Variants in SETD3 observed in about 807,000 individuals in gnomAD.
SETD3 encodes the protein actin-histidine N-methyltransferase.
SETD3 carries 19 observed loss-of-function variants against 63.0 expected under a neutral mutation model. The observed-to-expected ratio is 0.30, with a 90% CI of 0.21 to 0.44. SETD3 has a LOEUF of 0.44. SETD3 is among the 20% of genes least tolerant of loss of function. The probability of loss-of-function intolerance (pLI) is 1.00; values close to 1 mark genes in which losing one functional copy is unlikely to be tolerated. For synonymous variants in SETD3, 286 were observed against 264.1 expected, an observed-to-expected ratio of 1.08 and a Z score of -0.80; for missense variants, 587 against 728.5, an observed-to-expected ratio of 0.81 and a Z score of 2.24.
chr14:99,420,947 CGGGGGGGGGGGGGGGGGGG>C (rs559807226), intron 6 of SETD3, among the ~76,000 whole-genome samples: 1 of 7,372 alleles, frequency 1.4e-4, no homozygotes, highest in East Asian at 4.1e-3. Flanking sequence ...CAGGCGAGGG[CGGGGGGGGGGGGGGGGGGG>C]GGGGGGGGGG....
chr14:99,445,226 T>C (rs1312704753), intron 6 of SETD3, among the ~76,000 whole-genome samples: 4 of 152,220 alleles, frequency 2.6e-5, no homozygotes, highest in Admixed American at 2.6e-4. Flanking sequence ...TGGTACCTTA[T>C]AAACTAACGG....
At chr14:99,484,307 C>T (rs762084948), upstream of SETD3, among the ~76,000 whole-genome samples, 4 of 152,228 alleles carry the variant, frequency 2.6e-5, no homozygotes, top group Non-Finnish European at 4.4e-5. Flanking sequence ...TGCAGACATG[C>T]TGCAACGCAG....
At chr14:99,457,715 A>G (rs149838826) in intron 6 of SETD3, among the ~76,000 whole-genome samples, 4 of 152,384 alleles carry the variant, frequency 2.6e-5, no homozygotes, top group African/African-American at 9.6e-5. Flanking sequence ...CTGCAAATGA[A>G]AGATAACGGT....
chr14:99,459,841 C>G (rs1894971989), intron 4 of SETD3, among the ~76,000 whole-genome samples: 1 of 152,238 alleles, frequency 6.6e-6, no homozygotes, highest in African/African-American at 2.4e-5. Flanking sequence ...AAGAGGGCAG[C>G]TGTCTGCAAA....
At chr14:99,482,050 T>C (rs1211868566), upstream of SETD3, among the ~76,000 whole-genome samples, 2 of 152,190 alleles carry the variant, frequency 1.3e-5, no homozygotes, top group African/African-American at 2.4e-5. Context: ...TGGTTTGTTA[T>C]GAGAGAAATT....
chr14:99,405,461 T>G, intron 9 of SETD3, 90 bp from the exon 10 acceptor site: 1 of 1,362,362 alleles, frequency 7.3e-7, no homozygotes, highest in Non-Finnish European at 1.0e-6. Context: ...TAGTGCTACT[T>G]TACATTTAGA....
intron 6 of SETD3, among the ~76,000 whole-genome samples, chr14:99,414,414 ATT>A (rs1363740601): frequency 6.6e-6 from 1 of 152,196 alleles, no homozygotes; most frequent in Non-Finnish European, 1.5e-5. Context: ...AAGCTCTTTC[ATT>A]TCTCTCCGAC....
At chr14:99,481,127 A>AC, upstream of SETD3, 1 of 306,512 alleles carries the variant, frequency 3.3e-6, no homozygotes, top group Non-Finnish European at 6.0e-6. Flanking sequence ...ACGAATCTCG[A>AC]CCCGGGCCCC....
intron 6 of SETD3, chr14:99,444,395 G>A (rs1328905312): frequency 2.0e-5 from 3 of 152,202 alleles, no homozygotes; most frequent in African/African-American, 7.2e-5. Flanking sequence ...ACAAACTAGT[G>A]AAGACTTCCA....
intron 1 of SETD3, among the ~76,000 whole-genome samples, chr14:99,469,888 C>A (rs1186654436): frequency 6.6e-6 from 1 of 152,232 alleles, no homozygotes; most frequent in African/African-American, 2.4e-5. Context: ...ACCAGTCCTT[C>A]CCCCAGTAGC....
rs866688998 is a variant in SETD3 at position 99,409,243 on chromosome 14, C to T, written c.850-2653G>A. Among the ~76,000 whole-genome samples, 6 of 152,248 alleles carry T rather than the reference C, an allele frequency of 3.9e-5. No homozygotes were observed. The South Asian group carries it at 1.0e-3, about 26-fold the overall frequency. On this transcript the variant is annotated intron_variant, in intron 8 of 12. Coordinates refer to ENST00000331768, the MANE Select transcript of SETD3 (RefSeq NM_032233.3). The stretch of plus-strand genomic sequence containing the variant: ...CCTAAGCGAGGCACTTGGAAAATGG[C>T]ATGAAAAGTCTCAGTCCCTACCCAT...
At chr14:99,449,934 A>G (rs1264690242) in intron 6 of SETD3, among the ~76,000 whole-genome samples, 2 of 152,248 alleles carry the variant, frequency 1.3e-5, no homozygotes, top group Admixed American at 6.5e-5. Context: ...CAGAAATACT[A>G]GTCCCTATCC....
At chr14:99,445,061 A>G (rs1307921751) in intron 6 of SETD3, among the ~76,000 whole-genome samples, 1 of 152,238 alleles carries the variant, frequency 6.6e-6, no homozygotes, top group Non-Finnish European at 1.5e-5. Context: ...GGCCATATCA[A>G]TTCCAGGTAG....
At chr14:99,462,340 G>C (rs1895114965) in intron 3 of SETD3, among the ~76,000 whole-genome samples, 1 of 152,136 alleles carries the variant, frequency 6.6e-6, no homozygotes, top group African/African-American at 2.4e-5. Context: ...ATAAAAGGAG[G>C]GGAACAGGAA....
At chr14:99,401,187 TCTCA>T (rs1444879807) in intron 11 of SETD3, among the ~76,000 whole-genome samples, 2 of 152,080 alleles carry the variant, frequency 1.3e-5, no homozygotes, top group African/African-American at 2.4e-5. Flanking sequence ...TGCCCATCTC[TCTCA>T]CTTGTCAGGA....
intron 6 of SETD3, among the ~76,000 whole-genome samples, chr14:99,439,530 A>G (rs1052565231): frequency 2.0e-5 from 3 of 151,332 alleles, no homozygotes; most frequent in Admixed American, 2.0e-4. Flanking sequence ...ACCACAGGAG[A>G]AGCATTCAGC....
chr14:99,451,853 C>T (rs762952466), intron 6 of SETD3, among the ~76,000 whole-genome samples: 1 of 151,922 alleles, frequency 6.6e-6, no homozygotes, highest in African/African-American at 2.4e-5. Context: ...ATTCCTGCAG[C>T]GTGAGGCTTC....
At chr14:99,427,375 G>T (rs1892939330) in intron 6 of SETD3, among the ~76,000 whole-genome samples, 1 of 152,048 alleles carries the variant, frequency 6.6e-6, no homozygotes, top group African/African-American at 2.4e-5. Context: ...TAAAAAACAG[G>T]ACATAATGAA....
intron 6 of SETD3, among the ~76,000 whole-genome samples, chr14:99,449,559 C>T (rs1172022270): frequency 2.0e-5 from 3 of 152,180 alleles, no homozygotes; most frequent in African/African-American, 7.2e-5. Context: ...GCCAGCAGTG[C>T]TCTTCAAAAG....
Sources: allele counts gnomAD v4.1 joint callset (sites outside exome capture counted in the v4.1 genomes callset), GRCh38; gene constraint gnomAD v4.1.1; transcripts MANE v1.5; gene names NCBI Gene and HGNC (gene_info 2026-07-23, HGNC 2026-07-21).